SPG21: variants seen among roughly 807,000 people sequenced by gnomAD.
The protein encoded by SPG21 is SPG21 abhydrolase domain containing, maspardin, also known as maspardin.
SPG21 carries 26 observed loss-of-function variants against 38.9 expected under a neutral mutation model. That is an observed-to-expected ratio of 0.67 (90% CI 0.49 to 0.93). The LOEUF (loss-of-function observed/expected upper bound fraction) is 0.93. Among genes scored for constraint, SPG21 ranks in the 40% least tolerant of loss-of-function variants. The pLI, the probability that SPG21 is intolerant of heterozygous loss-of-function variation, is 0.00. For synonymous variants in SPG21, 136 were observed against 128.9 expected, an observed-to-expected ratio of 1.05 and a Z score of -0.37; for missense variants, 333 against 376.5, an observed-to-expected ratio of 0.88 and a Z score of 0.96.
chr15:64,987,959 G>A (rs57888211), intron 1 of SPG21, among the ~76,000 whole-genome samples: 5 of 152,182 alleles, frequency 3.3e-5, no homozygotes, highest in East Asian at 1.9e-4. Context: ...ACTTGAACCC[G>A]GGAGGCAGAG....
intron 4 of SPG21, among the ~76,000 whole-genome samples, chr15:64,975,432 G>A (rs2085756341): frequency 6.6e-6 from 1 of 151,622 alleles, no homozygotes; most frequent in Non-Finnish European, 1.5e-5. Context: ...GGAGGTTGAG[G>A]TGGGAGGATC....
chr15:64,987,601 T>C (rs1026754494), intron 1 of SPG21: 1 of 152,232 alleles, frequency 6.6e-6, no homozygotes, highest in Non-Finnish European at 1.5e-5. Flanking sequence ...ATTTTGTTCT[T>C]CACAAAAACA....
At chr15:64,975,347 T>C (rs1424696006) in intron 4 of SPG21, among the ~76,000 whole-genome samples, 1 of 133,296 alleles carries the variant, frequency 7.5e-6, no homozygotes, top group Non-Finnish European at 1.6e-5. Context: ...TAGGGAAATA[T>C]GGAAAAGGCC....
Position 64,965,400 on chromosome 15 carries a change from T to C in SPG21, c.730A>G (p.Asn244Asp), listed in dbSNP as rs776543298. ...GTTTTCAGATGAGCTCTTCGGGCATTAGGATACAGCTTGTACATTTCTTCT... is the reference window on the plus strand; with the variant it reads ...GTTTTCAGATGAGCTCTTCGGGCATCAGGATACAGCTTGTACATTTCTTCT... ...AKEEMYKLYP[N>D]ARRAHLKTGG... The change falls in exon 8 of 9, where the codon AAT (asparagine) becomes GAT (aspartate). Residue 244 changes from asparagine (N) to aspartate (D), a missense_variant. Physicochemically the swap from Asn to Asp is conservative, Grantham distance 23 (BLOSUM62 1). Coordinates refer to ENST00000204566, the MANE Select transcript of SPG21 (RefSeq NM_016630.7). 2.5e-6 allele frequency: 4 copies of C among 1,614,060 alleles called. No homozygotes were observed. Among genetic ancestry groups the C allele is most frequent in the East Asian group, 2.2e-5 (1 of 44,902 alleles).
At chr15:64,966,087 T>C (rs941414225) in intron 7 of SPG21, among the ~76,000 whole-genome samples, 6 of 152,226 alleles carry the variant, frequency 3.9e-5, no homozygotes, top group South Asian at 2.1e-4. Context: ...AGAACAATCA[T>C]TGCAAATGTC....
chr15:64,966,939 T>A (rs1286004164), intron 7 of SPG21, among the ~76,000 whole-genome samples: 2 of 152,100 alleles, frequency 1.3e-5, no homozygotes, highest in African/African-American at 4.8e-5. Flanking sequence ...AACCATATTA[T>A]TTGAATTTAG....
chr15:64,982,497 G>C (rs1034708197), intron 2 of SPG21, among the ~76,000 whole-genome samples: 6 of 152,088 alleles, frequency 3.9e-5, no homozygotes, highest in Non-Finnish European at 8.8e-5. Context: ...GCCCAGGCTG[G>C]TCTCAAACTC....
At position 64,980,991 on chromosome 15, in the gene SPG21, G is replaced by A. The variant is rs780261816; in HGVS notation, c.98C>T (p.Ser33Leu). ...IVDDDDSKIW[S>L]LYDAGPRSIR... ...ACTTCGGGGGCCCGCGTCATAGAGC[G>A]ACCATATCTTACTGTCATCATCATC... is the stretch of plus-strand genomic sequence containing the variant. The change falls in exon 3 of 9, where the codon TCG becomes TTG. Residue 33 changes from serine (S) to leucine (L), a missense_variant. Transcript: ENST00000204566. 8.7e-6 allele frequency: 14 copies of A among 1,613,998 alleles called. No individual in the cohort carries two copies. The highest frequency in any genetic ancestry group is 2.2e-5 in the East Asian group (1 of 44,898).
At position 64,963,437 on chromosome 15, in the gene SPG21, C is replaced by T. The variant is rs1362590832; in HGVS notation, c.*183G>A. 1.8e-5 allele frequency: 11 copies of T among 599,826 alleles called. No individual in the cohort carries two copies. The East Asian group carries it at 3.0e-4, about 16-fold the overall frequency. 37.2% of individuals were successfully genotyped at this position (599,826 alleles called of 1,614,324 possible). On this transcript the variant is annotated 3_prime_UTR_variant, in exon 9 of 9. Coordinates refer to ENST00000204566, the MANE Select transcript of SPG21 (RefSeq NM_016630.7). The stretch of plus-strand genomic sequence containing the variant: ...AAAGCTAAGAAAACCAAAGAGGGAA[C>T]AGTTACACAGGCTTAGTGGAGATGC...
chr15:64,987,854 G>A (rs578136356), intron 1 of SPG21, among the ~76,000 whole-genome samples: 6 of 152,236 alleles, frequency 3.9e-5, no homozygotes, highest in South Asian at 2.1e-4. Context: ...GGCCAACATG[G>A]TGCAGCCCCG....
intron 2 of SPG21, among the ~76,000 whole-genome samples, chr15:64,982,252 C>T (rs1003269325): frequency 6.6e-6 from 1 of 151,244 alleles, no homozygotes; most frequent in Non-Finnish European, 1.5e-5. Context: ...TTAAGCAATC[C>T]TCCCATCTCA....
At chr15:64,965,715 T>C (rs2085528302) in intron 7 of SPG21, among the ~76,000 whole-genome samples, 1 of 152,078 alleles carries the variant, frequency 6.6e-6, no homozygotes, top group South Asian at 2.1e-4. Flanking sequence ...CTGCATTCTT[T>C]TGGTGGGGGG....
chr15:64,983,944 C>T (rs2085936715), intron 1 of SPG21, among the ~76,000 whole-genome samples: 1 of 152,058 alleles, frequency 6.6e-6, no homozygotes, highest in African/African-American at 2.4e-5. Context: ...CCACCACGCC[C>T]AACTAATTTT....
At chr15:64,970,466 T>A (rs1445740393) in intron 5 of SPG21, among the ~76,000 whole-genome samples, 1 of 152,230 alleles carries the variant, frequency 6.6e-6, no homozygotes, top group Non-Finnish European at 1.5e-5. Flanking sequence ...CAAAATACCT[T>A]TACTGAGATA....
chr15:64,974,912 G>A (rs1425707467), intron 4 of SPG21, among the ~76,000 whole-genome samples, 165 bp from the exon 5 acceptor site: 1 of 152,042 alleles, frequency 6.6e-6, no homozygotes. Context: ...GTATTTAAAT[G>A]CAATTTATAC....
intron 8 of SPG21, 21 bp from the exon 9 acceptor site, chr15:64,963,757 T>A (rs568710004): frequency 6.2e-7 from 1 of 1,602,728 alleles, no homozygotes; most frequent in Admixed American, 1.7e-5. Flanking sequence ...GCAGAATCAT[T>A]ATTTTATTTA....
intron 4 of SPG21, among the ~76,000 whole-genome samples, chr15:64,975,348 G>A (rs149045503): frequency 1.1e-3 from 168 of 147,970 alleles, no homozygotes; most frequent in Non-Finnish European, 2.0e-3. Context: ...AGGGAAATAT[G>A]GAAAAGGCCT....
chr15:64,984,945 T>C (rs2085960831), intron 1 of SPG21, among the ~76,000 whole-genome samples: 1 of 151,866 alleles, frequency 6.6e-6, no homozygotes, highest in Admixed American at 6.6e-5. Flanking sequence ...GAGACGGGGT[T>C]TCACCATCTT....
At position 64,963,058 on chromosome 15, in the gene SPG21, T is replaced by C. The variant is rs1426884514; in HGVS notation, c.*562A>G. 1 of 152,686 alleles carries C rather than the reference T, an allele frequency of 6.5e-6. No individual in the cohort carries two copies. The highest frequency in any genetic ancestry group is 1.5e-5 in the Non-Finnish European group (1 of 68,294). 9.5% of individuals were successfully genotyped at this position (152,686 alleles called of 1,614,324 possible). A position where few individuals can be genotyped will look rare whatever the true frequency, so the allele number is the denominator to read the frequency against. ...GAATTTTTATTCCAAATGACTAATATCTAGAAAGGCAGTAGCTAACACTCA... is the reference window on the plus strand; with the variant it reads ...GAATTTTTATTCCAAATGACTAATACCTAGAAAGGCAGTAGCTAACACTCA... On this transcript the variant is annotated 3_prime_UTR_variant, in exon 9 of 9. Coordinates refer to ENST00000204566, the MANE Select transcript of SPG21 (RefSeq NM_016630.7).
Sources: gnomAD v4.1 joint callset for allele counts (sites outside exome capture counted in the v4.1 genomes callset) on GRCh38, gnomAD v4.1.1 for gene constraint, MANE v1.5 for transcripts, NCBI Gene and HGNC (gene_info 2026-07-23, HGNC 2026-07-21) for gene names.